ESCO1: variants seen among roughly 807,000 people sequenced by gnomAD.
ESCO1 encodes establishment of sister chromatid cohesion N-acetyltransferase 1.
A neutral mutation model predicts 83.5 loss-of-function variants in ESCO1; 33 were observed. The observed-to-expected ratio is 0.40, with a 90% CI of 0.30 to 0.53. The LOEUF (loss-of-function observed/expected upper bound fraction) is 0.53. ESCO1 is among the 20% of genes least tolerant of loss of function. The pLI, the probability that ESCO1 is intolerant of heterozygous loss-of-function variation, is 0.63. For synonymous variants in ESCO1, 332 were observed against 324.3 expected, an observed-to-expected ratio of 1.02 and a Z score of -0.25; for missense variants, 855 against 968.0, an observed-to-expected ratio of 0.88 and a Z score of 1.55.
chr18:21,592,844 G>A (rs2038699904), intron 1 of ESCO1, among the ~76,000 whole-genome samples: 1 of 151,334 alleles, frequency 6.6e-6, no homozygotes. Flanking sequence ...CGGGGCGGTT[G>A]CCGGGCAGAG....
rs1033846856 is a variant in ESCO1 at position 21,540,547 on chromosome 18, CAAG to C, written c.1954-541_1954-539del. On this transcript the variant is annotated intron_variant, in intron 8 of 11. Coordinates refer to ENST00000269214, the MANE Select transcript of ESCO1 (RefSeq NM_052911.3). ...TTATTGATCACAACTACCAAAGCCA[CAAG>C]AAGGAGACTATAAAAAATATAACTA... 1.3e-5 allele frequency: 17 copies of C among 1,292,272 alleles called. No homozygotes were observed. In the African/African-American group the frequency reaches 1.4e-4, roughly 11 times the overall value. The allele number at this position is 1,292,272 out of a possible 1,614,324, so 80.1% of individuals were successfully genotyped here.
chr18:21,549,732 C>T (rs922297947), intron 8 of ESCO1, among the ~76,000 whole-genome samples: 2 of 151,980 alleles, frequency 1.3e-5, no homozygotes, highest in South Asian at 2.1e-4. Flanking sequence ...TTTGGGAGGC[C>T]GAGGCGGGTG....
chr18:21,543,444 C>T (rs1334207029), intron 8 of ESCO1, among the ~76,000 whole-genome samples: 3 of 152,212 alleles, frequency 2.0e-5, no homozygotes, highest in African/African-American at 4.8e-5. Context: ...GAAATTATTA[C>T]TCTTTTCTCC....
intron 8 of ESCO1, among the ~76,000 whole-genome samples, chr18:21,549,286 G>A (rs1192954737): frequency 1.3e-5 from 2 of 152,162 alleles, no homozygotes; most frequent in Non-Finnish European, 2.9e-5. Flanking sequence ...GGACCATGAT[G>A]TTACAACTGT....
intron 8 of ESCO1, among the ~76,000 whole-genome samples, chr18:21,547,434 A>AT (rs2037988733): frequency 6.6e-6 from 1 of 151,890 alleles, no homozygotes; most frequent in Non-Finnish European, 1.5e-5. Context: ...AGGAAACCAC[A>AT]TCTCTATAGT....
chr18:21,571,986 A>G (rs1598469538), intron 4 of ESCO1, among the ~76,000 whole-genome samples: 1 of 152,218 alleles, frequency 6.6e-6, no homozygotes, highest in South Asian at 2.1e-4. Flanking sequence ...TCTGGAATAA[A>G]GCCCAGACTC....
chr18:21,556,300 G>C (rs963791475), intron 8 of ESCO1, among the ~76,000 whole-genome samples: 4 of 152,016 alleles, frequency 2.6e-5, no homozygotes, highest in African/African-American at 9.7e-5. Flanking sequence ...CTCTAATCCT[G>C]CTCTACTACT....
rs937542536 is a variant in ESCO1, at chr18:21,575,284, A to G, written c.-441T>C. The G allele has an allele frequency of 2.0e-5, 8 of 393,466 alleles. No individual in the cohort carries two copies. The highest frequency in any genetic ancestry group is 3.6e-5 in the Non-Finnish European group (8 of 223,160). The allele number at this position is 393,466 out of a possible 1,614,324, so 24.4% of individuals were successfully genotyped here. The stretch of plus-strand genomic sequence containing the variant: ...CTTTTTTCTTCTGAAGTCTACAGTT[A>G]TTGGACTTCGATTCACTTGAAACAT... On this transcript the variant is annotated 5_prime_UTR_variant, in exon 4 of 12. Transcript: ENST00000269214.
At position 21,564,235 on chromosome 18, in the gene ESCO1, CTTCT is replaced by C; in HGVS notation, c.1785_1788del (p.Glu596GlnfsTer9). 1 of 1,609,078 alleles carries C rather than the reference CTTCT, an allele frequency of 6.2e-7. No homozygotes were observed. Among genetic ancestry groups the C allele is most frequent in the Non-Finnish European group, 8.5e-7 (1 of 1,177,298 alleles). ...AACTGTTTTTCATCAGTTTTCTCTGCTTCTTTTAGTTTCAAGTCCTTTGGAATTG... is the reference window on the plus strand; with the variant it reads ...AACTGTTTTTCATCAGTTTTCTCTGCTTTAGTTTCAAGTCCTTTGGAATTG... On this transcript the variant is annotated frameshift_variant, in exon 7 of 12. Transcript: ENST00000269214. LOFTEE classifies it high-confidence loss of function.
chr18:21,546,312 T>C (rs1029273137), intron 8 of ESCO1, among the ~76,000 whole-genome samples: 8 of 151,572 alleles, frequency 5.3e-5, no homozygotes, highest in Middle Eastern at 3.2e-3. Context: ...CTTTGAGAGG[T>C]AGAGGAAGGA....
chr18:21,586,030 C>T (rs2038571023), intron 1 of ESCO1, among the ~76,000 whole-genome samples: 1 of 152,188 alleles, frequency 6.6e-6, no homozygotes, highest in African/African-American at 2.4e-5. Context: ...ACACTTATTA[C>T]TTGTATCAGG....
At position 21,575,730 on chromosome 18, in the gene ESCO1, T is replaced by G. The variant is rs2038410857; in HGVS notation, c.-646A>C. On this transcript the variant is annotated 5_prime_UTR_variant, in exon 3 of 12. Transcript: ENST00000269214. ...AGCCACCATAACTCATGAAGAAAAT[T>G]AGACAAAACCATTCCTTCTAATATG... is the stretch of plus-strand genomic sequence containing the variant. 2.5e-6 allele frequency: 1 copy of G among 398,288 alleles called. No homozygotes were observed. The highest frequency in any genetic ancestry group is 4.4e-6 in the Non-Finnish European group (1 of 225,898). The allele number at this position is 398,288 out of a possible 1,614,324, so 24.7% of individuals were successfully genotyped here. A position where few individuals can be genotyped will look rare whatever the true frequency, so the allele number is the denominator to read the frequency against.
intron 8 of ESCO1, among the ~76,000 whole-genome samples, chr18:21,554,032 C>G (rs1469246632): frequency 2.0e-5 from 3 of 151,924 alleles, no homozygotes; most frequent in African/African-American, 7.2e-5. Context: ...GGAAAATAAA[C>G]ACATGAAAAG....
At chr18:21,566,038 C>T (rs2038255457) in intron 6 of ESCO1, 108 bp downstream of exon 6, 8 of 940,956 alleles carry the variant, frequency 8.5e-6, no homozygotes, top group Non-Finnish European at 1.3e-5. Flanking sequence ...AAAAGAGAAT[C>T]TGTAGGTAAA....
chr18:21,583,172 ACT>A (rs1485037117), intron 2 of ESCO1, among the ~76,000 whole-genome samples: 4 of 152,016 alleles, frequency 2.6e-5, no homozygotes, highest in African/African-American at 9.7e-5. Context: ...ACAGAGCGAG[ACT>A]CTGTCTCAAA....
At chr18:21,594,195 T>G (rs2038727250) in intron 1 of ESCO1, among the ~76,000 whole-genome samples, 1 of 152,150 alleles carries the variant, frequency 6.6e-6, no homozygotes, top group Admixed American at 6.6e-5. Context: ...AGCAAAGAAC[T>G]AAATTAGGAA....
chr18:21,573,389 C>A lies in ESCO1; in HGVS notation c.1455G>T (p.Leu485Phe). 6.2e-7 allele frequency: 1 copy of A among 1,609,060 alleles called. No individual in the cohort carries two copies. The highest frequency in any genetic ancestry group is 8.5e-7 in the Non-Finnish European group (1 of 1,178,978). Residue 485 changes from leucine to phenylalanine, a missense_variant, in exon 4 of 12, where the codon TTG becomes TTT. Leu to Phe is a conservative substitution (Grantham distance 22, BLOSUM62 0). Coordinates refer to ENST00000269214, the MANE Select transcript of ESCO1 (RefSeq NM_052911.3). The stretch of plus-strand genomic sequence containing the variant: ...GGTCAGAAGGTTTTATCTCATTGGC[C>A]AAATGACAATTTTCAGGAGCCCTTT... ...TTERAPENCH[L>F]ANEIKPSDPP...
chr18:21,540,001 C>T lies in ESCO1; in HGVS notation c.1962G>A (p.Lys654=). 11 of 1,594,272 alleles carry T rather than the reference C, an allele frequency of 6.9e-6. No homozygotes were observed. The highest frequency in any genetic ancestry group is 9.4e-6 in the Non-Finnish European group (11 of 1,173,840). ...FISAVKYVGW[K]KERILAEYPD... The stretch of plus-strand genomic sequence containing the variant: ...GGTATTCAGCCAGAATTCTTTCTTT[C>T]TTCCAGCCCTAGATATATATATATA... Residue 654 remains lysine (K), a synonymous_variant, in exon 9 of 12, where the codon AAG becomes AAA. Coordinates refer to ENST00000269214, the MANE Select transcript of ESCO1 (RefSeq NM_052911.3).
intron 8 of ESCO1, among the ~76,000 whole-genome samples, chr18:21,555,374 T>C (rs2038100157): frequency 6.6e-6 from 1 of 152,156 alleles, no homozygotes; most frequent in Non-Finnish European, 1.5e-5. Context: ...CCACAGAATA[T>C]ACAAGAAAAT....
Sources: allele counts gnomAD v4.1 joint callset (sites outside exome capture counted in the v4.1 genomes callset), GRCh38; gene constraint gnomAD v4.1.1; transcripts MANE v1.5; gene names NCBI Gene and HGNC (gene_info 2026-07-23, HGNC 2026-07-21).